SIRPB1: variants seen among roughly 807,000 people sequenced by gnomAD.
SIRPB1 encodes the protein signal regulatory protein beta 1, also known as signal-regulatory protein beta-1.
In SIRPB1, 28 loss-of-function variants were observed where a neutral mutation model predicts 34.1. That is an observed-to-expected ratio of 0.82 (90% CI 0.61 to 1.12). SIRPB1 has a LOEUF of 1.12. Ranked by LOEUF, SIRPB1 falls within the 50% of genes most tolerant of loss-of-function variation. The pLI is 0.00. For synonymous variants in SIRPB1, 211 were observed against 203.8 expected (o/e 1.04, Z -0.30); for missense variants, 499 against 507.0 (o/e 0.98, Z 0.15).
At chr20:1,616,561 C>CA (rs1476122448) in intron 1 of SIRPB1, among the ~76,000 whole-genome samples, 2 of 152,054 alleles carry the variant, frequency 1.3e-5, no homozygotes, top group African/African-American at 4.8e-5. Context: ...AAAATCAATT[C>CA]AAAATGTATT....
intron 1 of SIRPB1, among the ~76,000 whole-genome samples, chr20:1,612,441 TG>T (rs2091578587): frequency 1.4e-5 from 1 of 71,870 alleles, no homozygotes; most frequent in Non-Finnish European, 2.6e-5. Flanking sequence ...ATGGATTGGG[TG>T]GGGCCGTGTG....
intron 4 of SIRPB1, among the ~76,000 whole-genome samples, chr20:1,567,242 C>A (rs904818029): frequency 2.0e-5 from 3 of 152,168 alleles, no homozygotes; most frequent in African/African-American, 7.2e-5. Flanking sequence ...TTGAGGAGAG[C>A]TGCACTGCCC....
At position 1,566,196 on chromosome 20, in the gene SIRPB1, C is replaced by A. The variant is rs1235395847; in HGVS notation, c.1156G>T (p.Gly386Cys). 1 of 1,612,334 alleles carries A rather than the reference C, an allele frequency of 6.2e-7. No individual in the cohort carries two copies. Among genetic ancestry groups the A allele is most frequent in the South Asian group, 1.1e-5 (1 of 90,578 alleles). The change falls in exon 5 of 6, where the codon GGT becomes TGT. Residue 386 changes from glycine to cysteine, a missense_variant. Coordinates refer to ENST00000381605, the MANE Select transcript of SIRPB1 (RefSeq NM_006065.5). ...CAGCAGATGTAGATGGCAGAGACAC[C>A]AACCACCAGTAGCAGCTTGGGGCCC... ...LLGPKLLLVVGVSAIYICWKQ... is the reference protein window; with the variant it reads ...LLGPKLLLVVCVSAIYICWKQ...
chr20:1,576,451 C>G (rs1478725037), intron 2 of SIRPB1, among the ~76,000 whole-genome samples: 2 of 148,104 alleles, frequency 1.4e-5, no homozygotes, highest in Non-Finnish European at 3.0e-5. Context: ...GCCCACATTC[C>G]TTTCTCACAG....
At chr20:1,569,535 ATTGT>A (rs1349001142) in intron 4 of SIRPB1, among the ~76,000 whole-genome samples, 2 of 152,192 alleles carry the variant, frequency 1.3e-5, no homozygotes, top group Admixed American at 6.5e-5. Flanking sequence ...GATTGGGGAC[ATTGT>A]TTGTCTTCTA....
intron 1 of SIRPB1, 107 bp downstream of exon 1, chr20:1,619,762 T>C (rs2091681338): frequency 2.5e-6 from 2 of 787,524 alleles, no homozygotes; most frequent in Non-Finnish European, 4.2e-6. Flanking sequence ...GCCTAATCCT[T>C]GGCCTTTCTT....
At chr20:1,616,404 G>A (rs6074894) in intron 1 of SIRPB1, among the ~76,000 whole-genome samples, 44,522 of 152,004 alleles carry the variant, frequency 0.29, 7,290 homozygotes, top group Admixed American at 0.39. Flanking sequence ...AGATATAAAC[G>A]CACACATTTA....
In SIRPB1 at chr20:1,601,181, G is replaced by T. The variant is rs1316283586; in HGVS notation, c.76+18688C>A. Among the ~76,000 whole-genome samples the T allele has an allele frequency of 1.2e-4, 6 of 48,382 alleles. 2 individuals carry two copies. The highest frequency in any genetic ancestry group is 8.3e-4 in the Admixed American group (6 of 7,208). 31.7% of individuals were successfully genotyped at this position (48,382 alleles called of 152,430 possible). On this transcript the variant is annotated intron_variant, in intron 1 of 5. Transcript: ENST00000381605. Reference sequence around the variant, plus strand: ...GAGGGCAGAAAGAATAGAAGATTGGGTTCCAGAACATTATAAGAGTAGCAG... The same window carrying T: ...GAGGGCAGAAAGAATAGAAGATTGGTTTCCAGAACATTATAAGAGTAGCAG...
chr20:1,619,859 C>G lies in SIRPB1; in HGVS notation c.76+10G>C. 1 of 1,596,108 alleles carries G rather than the reference C, an allele frequency of 6.3e-7. No homozygotes were observed. Among genetic ancestry groups the G allele is most frequent in the East Asian group, 2.2e-5 (1 of 44,782 alleles). On this transcript the variant is annotated intron_variant, in intron 1 of 5. Transcript: ENST00000381605. ...CAGGAAAAAAGATTTTAACCGAAGG[C>G]AGTGCTCACCTGTGAGTCTCCCCAG...
intron 1 of SIRPB1, among the ~76,000 whole-genome samples, 187 bp from the exon 2 acceptor site, chr20:1,578,881 A>G (rs928388219): frequency 4.7e-5 from 7 of 148,356 alleles, no homozygotes; most frequent in African/African-American, 1.7e-4. Flanking sequence ...AATACAAGCG[A>G]GAACACTGAG....
intron 4 of SIRPB1, among the ~76,000 whole-genome samples, chr20:1,567,418 A>C (rs2091155380): frequency 6.6e-6 from 1 of 151,726 alleles, no homozygotes; most frequent in South Asian, 2.1e-4. Flanking sequence ...GTGGCTCAGC[A>C]CCTCCCTCCT....
Position 1,578,583 on chromosome 20 carries a change from C to T in SIRPB1, c.188G>A (p.Gly63Glu). The change falls in exon 2 of 6, where the codon GGG (glycine) becomes GAG (glutamate). Residue 63 changes from glycine (G) to glutamate (E), a missense_variant. Transcript: ENST00000381605. ...RCAMTSLIPV[G>E]PIMWFRGAGA... ...AGCTCCTCTAAACCACATGATGGGC[C>T]CCACAGGGATCAGGGACGTCATAGC... 6.3e-7 allele frequency: 1 copy of T among 1,584,026 alleles called. No homozygotes were observed. The highest frequency in any genetic ancestry group is 2.2e-5 in the East Asian group (1 of 44,864).
chr20:1,598,164 G>T lies in SIRPB1; in HGVS notation c.77-19470C>A. On this transcript the variant is annotated intron_variant, in intron 1 of 5. Transcript: ENST00000381605. ...CAGGAGAGACTGGGGGTTCCATGTG[G>T]CAGGGGAGGAGGGAAGGAGCTGTGG... The T allele has an allele frequency of 1.1e-5, 4 of 370,536 alleles. 2 individuals carry two copies. The highest frequency in any genetic ancestry group is 1.2e-5 in the Non-Finnish European group (4 of 324,096). 23.0% of individuals were successfully genotyped at this position (370,536 alleles called of 1,614,324 possible).
intron 2 of SIRPB1, among the ~76,000 whole-genome samples, chr20:1,577,381 C>A (rs2091328652): frequency 6.8e-6 from 1 of 147,946 alleles, no homozygotes; most frequent in East Asian, 1.9e-4. Flanking sequence ...CATGTCTTGG[C>A]TTCAGTCTCC....
intron 1 of SIRPB1, among the ~76,000 whole-genome samples, chr20:1,618,090 T>A (rs1370526694): frequency 6.6e-6 from 1 of 152,222 alleles, no homozygotes; most frequent in Non-Finnish European, 1.5e-5. Context: ...TATATAAGTT[T>A]GTTTTGTGTA....
At chr20:1,619,789 G>A in intron 1 of SIRPB1, 80 bp downstream of exon 1, 2 of 1,054,948 alleles carry the variant, frequency 1.9e-6, no homozygotes, top group South Asian at 2.9e-5. Flanking sequence ...ACTTGTCATT[G>A]TCCGGAATCC....
chr20:1,578,442 A>T lies in SIRPB1; in HGVS notation c.329T>A (p.Ile110Asn). 1 of 1,584,498 alleles carries T rather than the reference A, an allele frequency of 6.3e-7. No homozygotes were observed. The highest frequency in any genetic ancestry group is 8.6e-7 in the Non-Finnish European group (1 of 1,158,284). ...NLDFSISISN[I>N]TPADAGTYYC... is the part of the protein sequence containing the mutation. ...GTAGGTGCCGGCGTCTGCTGGGGTG[A>T]TGTTACTGATGCTGATGGAAAAGTC... The change falls in exon 2 of 6, where the codon ATC (isoleucine) becomes AAC (asparagine). Residue 110 changes from isoleucine (I) to asparagine (N), a missense_variant. Physicochemically the swap from Ile to Asn is moderately radical, Grantham distance 149. Transcript: ENST00000381605.
rs2091249016 is a variant in SIRPB1, at chr20:1,572,022, G to T, written c.449C>A (p.Pro150His). ...CCTCACCGCAGGGCCCGATACCACGGGGGCAGAGGGTTTGGCTACAAAAGG... is the reference window on the plus strand; with the variant it reads ...CCTCACCGCAGGGCCCGATACCACGTGGGCAGAGGGTTTGGCTACAAAAGG... The part of the protein sequence containing the change: ...ELSVRAKPSA[P>H]VVSGPAVRAT... Residue 150 changes from proline (P) to histidine (H), a missense_variant, in exon 3 of 6, where the codon CCC (proline) becomes CAC (histidine). Transcript: ENST00000381605. 6.2e-7 allele frequency: 1 copy of T among 1,613,872 alleles called. No individual in the cohort carries two copies. The highest frequency in any genetic ancestry group is 8.5e-7 in the Non-Finnish European group (1 of 1,179,936).
rs1378546219 is a variant in SIRPB1, at chr20:1,601,968, G to A, written c.76+17901C>T. On this transcript the variant is annotated intron_variant, in intron 1 of 5. Transcript: ENST00000381605. The stretch of plus-strand genomic sequence containing the variant: ...ATGACAAAAAAAATGACACAGAAAA[G>A]AGAAAAAGTCTGTATTCAATAATAT... Among the ~76,000 whole-genome samples the A allele has an allele frequency of 4.2e-5, 2 of 48,184 alleles. 1 individual carries two copies. Among genetic ancestry groups the A allele is most frequent in the Admixed American group, 2.8e-4 (2 of 7,098 alleles). 31.6% of individuals were successfully genotyped at this position (48,184 alleles called of 152,430 possible).
Sources: gnomAD v4.1 joint callset for allele counts (sites outside exome capture counted in the v4.1 genomes callset) on GRCh38, gnomAD v4.1.1 for gene constraint, MANE v1.5 for transcripts, NCBI Gene and HGNC (gene_info 2026-07-23, HGNC 2026-07-21) for gene names.